LINGO2: variants seen among roughly 807,000 people sequenced by gnomAD.
LINGO2 encodes the protein leucine-rich repeat and immunoglobulin-like domain-containing nogo receptor-interacting protein 2.
A neutral mutation model predicts 30.6 loss-of-function variants in LINGO2; 14 were observed. The observed-to-expected ratio is 0.46, with a 90% CI of 0.30 to 0.72. The LOEUF is 0.72. LINGO2 is among the 30% of genes least tolerant of loss of function. LINGO2 has a pLI of 0.07. For missense variants in LINGO2, 729 were observed against 751.7 expected (o/e 0.97, Z 0.35); for synonymous variants, 317 against 288.5 (o/e 1.10, Z -1.00).
chr9:28,775,381 C>T, the LINGO2 span, among the ~76,000 whole-genome samples: 2 of 152,116 alleles, frequency 1.3e-5, no homozygotes, highest in African/African-American at 4.8e-5. Flanking sequence ...GTTTCTGAGC[C>T]CCAAAGATAG....
At chr9:28,948,721 A>G in the LINGO2 span, among the ~76,000 whole-genome samples, 1 of 152,114 alleles carries the variant, frequency 6.6e-6, no homozygotes, top group Non-Finnish European at 1.5e-5. Flanking sequence ...TTGGTTATGC[A>G]AATCACAGTA....
chr9:28,151,953 A>G (rs1828012454), intron 4 of LINGO2, among the ~76,000 whole-genome samples: 2 of 152,338 alleles, frequency 1.3e-5, no homozygotes, highest in African/African-American at 4.8e-5. Context: ...AATTCCACAT[A>G]AAATACCAAC....
intron 4 of LINGO2, among the ~76,000 whole-genome samples, chr9:28,033,609 GT>G (rs1057098848): frequency 2.6e-5 from 4 of 151,928 alleles, no homozygotes; most frequent in Non-Finnish European, 5.9e-5. Flanking sequence ...TTCTCTCCTA[GT>G]TTTTTTATAT....
intron 1 of LINGO2, among the ~76,000 whole-genome samples, chr9:28,491,426 T>C (rs1291467490): frequency 6.6e-6 from 1 of 152,160 alleles, no homozygotes; most frequent in Admixed American, 6.6e-5. Flanking sequence ...ACAGAATCCT[T>C]AACCACACAT....
chr9:28,394,008 T>C (rs201527856), intron 2 of LINGO2, among the ~76,000 whole-genome samples: 9 of 146,526 alleles, frequency 6.1e-5, no homozygotes, highest in African/African-American at 1.5e-4. Flanking sequence ...CTTTTTTTTT[T>C]CCCTTGTCTC....
chr9:28,082,832 T>C lies in LINGO2; in HGVS notation c.-86-70427A>G, dbSNP rs146450746. Among the ~76,000 whole-genome samples, 3 of 152,258 alleles carry C rather than the reference T, an allele frequency of 2.0e-5. No individual in the cohort carries two copies. In the East Asian group the frequency reaches 5.8e-4, roughly 29 times the overall value. On this transcript the variant is annotated intron_variant, in intron 4 of 5. Transcript: ENST00000379992. Reference sequence around the variant, plus strand: ...TCTGGATTGTCCTGCCATCTCATTATCCTTCAGTCGGTAAAATCAGAGCCA... The same window carrying C: ...TCTGGATTGTCCTGCCATCTCATTACCCTTCAGTCGGTAAAATCAGAGCCA...
At chr9:28,179,581 G>C (rs1828853262) in intron 4 of LINGO2, among the ~76,000 whole-genome samples, 2 of 118,964 alleles carry the variant, frequency 1.7e-5, no homozygotes, top group Admixed American at 1.8e-4. Flanking sequence ...ACGATATGTA[G>C]TATTTTATAC....
rs78387550 is a variant in LINGO2, at chr9:28,029,387, A to G, written c.-86-16982T>C. 7.6e-3 allele frequency among the ~76,000 whole-genome samples: 1,150 copies of G among 152,250 alleles called. 14 individuals are homozygous for G. Among genetic ancestry groups the G allele is most frequent in the African/African-American group, 0.027 (1,104 of 41,560 alleles). On this transcript the variant is annotated intron_variant, in intron 4 of 5. Transcript: ENST00000379992. ...ATTGACAAACACTAAAGTGTAAATT[A>G]AAAACAGGCAGGGTACTTCTCAGAG...
chr9:28,840,291 C>A, the LINGO2 span, among the ~76,000 whole-genome samples: 2 of 151,860 alleles, frequency 1.3e-5, no homozygotes, highest in Non-Finnish European at 2.9e-5. Flanking sequence ...AGCGTGCAGC[C>A]CCAACTGCAC....
intron 1 of LINGO2, among the ~76,000 whole-genome samples, chr9:28,585,905 T>A (rs1170364352): frequency 6.6e-6 from 1 of 152,016 alleles, no homozygotes; most frequent in Non-Finnish European, 1.5e-5. Flanking sequence ...GCTCTCCCAC[T>A]AGTCGAGTTC....
the LINGO2 span, among the ~76,000 whole-genome samples, chr9:28,966,506 T>A: frequency 6.6e-6 from 1 of 152,230 alleles, no homozygotes; most frequent in African/African-American, 2.4e-5. Context: ...ATAGCCATCA[T>A]GCGTTAGTCA....
chr9:28,427,349 T>A (rs942745361), intron 2 of LINGO2, among the ~76,000 whole-genome samples: 2 of 152,214 alleles, frequency 1.3e-5, no homozygotes, highest in South Asian at 4.1e-4. Context: ...GCTTAAGAGA[T>A]ATGAAGGCCC....
At chr9:28,272,742 G>A (rs1822984133) in intron 4 of LINGO2, among the ~76,000 whole-genome samples, 1 of 152,022 alleles carries the variant, frequency 6.6e-6, no homozygotes, top group African/African-American at 2.4e-5. Context: ...TGTTCTGACA[G>A]TCATTGCAGT....
intron 5 of LINGO2, among the ~76,000 whole-genome samples, chr9:27,993,140 G>C (rs1047539934): frequency 6.6e-6 from 1 of 152,020 alleles, no homozygotes; most frequent in Non-Finnish European, 1.5e-5. Context: ...TCTGGAGTTT[G>C]GTAAGGCTAG....
At chr9:28,771,572 T>C in the LINGO2 span, among the ~76,000 whole-genome samples, 1 of 150,202 alleles carries the variant, frequency 6.7e-6, no homozygotes, top group South Asian at 2.1e-4. Flanking sequence ...TTAGTCAGAG[T>C]CCCAGTAAAA....
At chr9:28,064,063 A>G (rs1825235841) in intron 4 of LINGO2, among the ~76,000 whole-genome samples, 1 of 152,160 alleles carries the variant, frequency 6.6e-6, no homozygotes, top group Non-Finnish European at 1.5e-5. Context: ...TTACATAAAG[A>G]AACCAGAGCT....
At chr9:28,014,860 A>G (rs1372126629) in intron 4 of LINGO2, among the ~76,000 whole-genome samples, 4 of 152,176 alleles carry the variant, frequency 2.6e-5, no homozygotes, top group African/African-American at 9.7e-5. Flanking sequence ...TGCAAATTCA[A>G]TATTTTTAAT....
chr9:28,774,682 A>T, the LINGO2 span, among the ~76,000 whole-genome samples: 2 of 152,184 alleles, frequency 1.3e-5, no homozygotes, highest in African/African-American at 4.8e-5. Context: ...CTAAATCCAC[A>T]GGGAGGATAG....
chr9:28,140,492 C>T (rs1827642248), intron 4 of LINGO2, among the ~76,000 whole-genome samples: 1 of 152,198 alleles, frequency 6.6e-6, no homozygotes, highest in Non-Finnish European at 1.5e-5. Context: ...AACCTAATTT[C>T]CTACCATTTC....
Sources: gnomAD v4.1 joint callset for allele counts (sites outside exome capture counted in the v4.1 genomes callset) on GRCh38, gnomAD v4.1.1 for gene constraint, MANE v1.5 for transcripts, NCBI Gene and HGNC (gene_info 2026-07-23, HGNC 2026-07-21) for gene names.